The following PSTPIP2 variants were observed in gnomAD, a reference collection of about 807,000 sequenced individuals.
PSTPIP2 encodes the protein proline-serine-threonine phosphatase interacting protein 2.
In PSTPIP2, 33 loss-of-function variants were observed where a neutral mutation model predicts 63.3. The ratio of observed to expected loss-of-function variants is 0.52; its 90% CI spans 0.40 to 0.70. The LOEUF (loss-of-function observed/expected upper bound fraction) is 0.70, where lower values mean the gene tolerates loss of function less well. PSTPIP2 is among the 30% of genes least tolerant of loss of function. The pLI, the probability that PSTPIP2 is intolerant of heterozygous loss-of-function variation, is 0.00. For synonymous variants in PSTPIP2, 125 were observed against 132.7 expected (o/e 0.94, Z 0.40); for missense variants, 312 against 400.7 (o/e 0.78, Z 1.89).
intron 9 of PSTPIP2, among the ~76,000 whole-genome samples, chr18:45,996,110 T>C (rs1016330670): frequency 1.3e-5 from 2 of 152,200 alleles, no homozygotes; most frequent in Admixed American, 6.5e-5. Flanking sequence ...GCAGCCACCA[T>C]GCCTGGCTGA....
Position 46,051,394 on chromosome 18 carries a change from G to T in PSTPIP2, c.34-11347C>A, listed in dbSNP as rs1908576703. Among the ~76,000 whole-genome samples, 5 of 152,090 alleles carry T rather than the reference G, an allele frequency of 3.3e-5. No homozygotes were observed. The South Asian group carries it at 1.0e-3, about 32-fold the overall frequency. On this transcript the variant is annotated intron_variant, in intron 1 of 14. Transcript: ENST00000409746. The stretch of plus-strand genomic sequence containing the variant: ...GGAGGCTGAGGTGGGAGAATCACTT[G>T]AGCCCGGGAAGTGGAGGTTGCAGTG...
intron 4 of PSTPIP2, among the ~76,000 whole-genome samples, chr18:46,015,514 C>T (rs2051844009): frequency 6.6e-6 from 1 of 152,164 alleles, no homozygotes; most frequent in Non-Finnish European, 1.5e-5. Context: ...ACCATTCTCC[C>T]AGCATGGTCC....
intron 3 of PSTPIP2, among the ~76,000 whole-genome samples, chr18:46,023,086 G>A (rs958548152): frequency 5.3e-5 from 8 of 152,146 alleles, no homozygotes; most frequent in Non-Finnish European, 7.3e-5. Flanking sequence ...GACACGTGGA[G>A]GGGAACAACA....
chr18:46,039,920 T>C, intron 2 of PSTPIP2, 27 bp downstream of exon 2: 1 of 1,579,146 alleles, frequency 6.3e-7, no homozygotes, highest in Non-Finnish European at 8.7e-7. Flanking sequence ...GCCCACCCTC[T>C]TCAGAGAGGA....
chr18:46,035,016 C>G (rs1907916067), intron 2 of PSTPIP2, among the ~76,000 whole-genome samples: 1 of 152,102 alleles, frequency 6.6e-6, no homozygotes, highest in Non-Finnish European at 1.5e-5. Context: ...ATCTGGGGAT[C>G]TGAGGGTGGG....
In PSTPIP2 at chr18:46,005,554, C is replaced by T. The variant is rs1484838625; in HGVS notation, c.355-23G>A. 6.6e-6 allele frequency: 10 copies of T among 1,506,430 alleles called. No individual in the cohort carries two copies. The Admixed American group carries it at 1.2e-4, about 17-fold the overall frequency. 93.3% of individuals were successfully genotyped at this position (1,506,430 alleles called of 1,614,324 possible). A position where few individuals can be genotyped will look rare whatever the true frequency, so the allele number is the denominator to read the frequency against. ...TGTCTGTAAAGAGATCATAAACACT[C>T]TTAATAAAAACACAAATCATTATTA... is the stretch of plus-strand genomic sequence containing the variant. On this transcript the variant is annotated intron_variant, in intron 5 of 14. Transcript: ENST00000409746.
intron 11 of PSTPIP2, 57 bp downstream of exon 11, chr18:45,992,049 C>G: frequency 7.5e-6 from 12 of 1,594,160 alleles, no homozygotes; most frequent in Non-Finnish European, 1.0e-5. Context: ...TGACATCTAA[C>G]AAGAAAGGCT....
At chr18:46,056,627 T>G (rs1908765265) in intron 1 of PSTPIP2, among the ~76,000 whole-genome samples, 1 of 152,182 alleles carries the variant, frequency 6.6e-6, no homozygotes, top group Non-Finnish European at 1.5e-5. Flanking sequence ...CTCCGGGGGC[T>G]GAGGCAGGAG....
intron 1 of PSTPIP2, among the ~76,000 whole-genome samples, chr18:46,058,183 T>C (rs1908840645): frequency 6.6e-6 from 1 of 152,120 alleles, no homozygotes; most frequent in Non-Finnish European, 1.5e-5. Flanking sequence ...CTTGCCTACC[T>C]GTATAGGATG....
intron 5 of PSTPIP2, among the ~76,000 whole-genome samples, chr18:46,005,947 C>T (rs766842104): frequency 1.3e-5 from 2 of 152,190 alleles, no homozygotes; most frequent in African/African-American, 2.4e-5. Flanking sequence ...ACATTCATTT[C>T]TGCAGCCCAT....
At chr18:46,028,742 A>G (rs1829578664) in intron 2 of PSTPIP2, 1 of 960,168 alleles carries the variant, frequency 1.0e-6, no homozygotes, top group Admixed American at 1.7e-5. Flanking sequence ...GACAAACTTA[A>G]GAAGCGACTT....
At chr18:46,012,944 T>C (rs937227297) in intron 4 of PSTPIP2, among the ~76,000 whole-genome samples, 4 of 152,204 alleles carry the variant, frequency 2.6e-5, no homozygotes, top group African/African-American at 9.6e-5. Flanking sequence ...CTTATGTATA[T>C]GAATAAACAC....
intron 1 of PSTPIP2, among the ~76,000 whole-genome samples, chr18:46,053,190 A>G (rs893084775): frequency 3.9e-5 from 6 of 152,054 alleles, no homozygotes; most frequent in African/African-American, 1.4e-4. Context: ...TCTACTTGCT[A>G]TTTATAAAAC....
intron 2 of PSTPIP2, among the ~76,000 whole-genome samples, chr18:46,036,372 T>A (rs1428056645): frequency 6.6e-6 from 1 of 152,174 alleles, no homozygotes; most frequent in Non-Finnish European, 1.5e-5. Context: ...GGCATTTGCC[T>A]AAGGTCAGAC....
intron 4 of PSTPIP2, among the ~76,000 whole-genome samples, chr18:46,014,067 C>T (rs1384644679): frequency 5.3e-5 from 8 of 151,648 alleles, no homozygotes; most frequent in African/African-American, 9.7e-5. Flanking sequence ...CTGTCGCCCA[C>T]GCTGGGGTGC....
intron 1 of PSTPIP2, among the ~76,000 whole-genome samples, chr18:46,059,028 CT>C (rs1179330545): frequency 1.6e-5 from 2 of 124,466 alleles, no homozygotes; most frequent in Non-Finnish European, 3.5e-5. Context: ...CTTTTTTTTT[CT>C]TTTTTTCTTT....
chr18:45,997,243 C>G (rs1359874650), intron 9 of PSTPIP2, among the ~76,000 whole-genome samples: 1 of 152,132 alleles, frequency 6.6e-6, no homozygotes, highest in African/African-American at 2.4e-5. Flanking sequence ...GGCTGGAGTG[C>G]AATGGCACTA....
chr18:46,032,747 T>G (rs1261941273), intron 2 of PSTPIP2, among the ~76,000 whole-genome samples: 3 of 94,772 alleles, frequency 3.2e-5, no homozygotes, highest in Non-Finnish European at 4.0e-5. Flanking sequence ...AGAGCAAAAC[T>G]CTGTGTCAAA....
chr18:45,988,627 T>G (rs3844540), intron 14 of PSTPIP2, 75 bp downstream of exon 14: 202,980 of 1,301,384 alleles, frequency 0.16, 22,333 homozygotes, highest in African/African-American at 0.48. Context: ...GTGTTATAAA[T>G]AAGGTTCAAA....
Sources: allele counts gnomAD v4.1 joint callset (sites outside exome capture counted in the v4.1 genomes callset), GRCh38; gene constraint gnomAD v4.1.1; transcripts MANE v1.5; gene names NCBI Gene and HGNC (gene_info 2026-07-23, HGNC 2026-07-21).